Variants in SAMD3 observed in about 807,000 individuals in gnomAD.
SAMD3 encodes the protein sterile alpha motif domain containing 3.
A neutral mutation model predicts 58.5 loss-of-function variants in SAMD3; 63 were observed. The observed-to-expected ratio is 1.08, with a 90% confidence interval of 0.88 to 1.33. The LOEUF is 1.33. Ranked by LOEUF, SAMD3 falls within the 40% of genes most tolerant of loss-of-function variation. The pLI is 0.00. For missense variants in SAMD3, 604 were observed against 608.4 expected, an observed-to-expected ratio of 0.99 and a Z score of 0.08; for synonymous variants, 220 against 210.3, an observed-to-expected ratio of 1.05 and a Z score of -0.40.
Position 130,174,233 on chromosome 6 carries a change from G to A in SAMD3, c.822+1608C>T, listed in dbSNP as rs547890270. 3.9e-5 allele frequency among the ~76,000 whole-genome samples: 6 copies of A among 152,278 alleles called. No individual in the cohort carries two copies. In the South Asian group the frequency reaches 1.2e-3, roughly 32 times the overall value. ...GGCGCCACTGGGGTATGAAAAAATA[G>A]TCCTGCAGCTAGCTCAGTGTCTGCC... On this transcript the variant is annotated intron_variant, in intron 8 of 11. Coordinates refer to ENST00000439090, the MANE Select transcript of SAMD3 (RefSeq NM_001017373.4).
chr6:130,322,161 C>A (rs1054255909), intron 1 of SAMD3, among the ~76,000 whole-genome samples: 1 of 152,042 alleles, frequency 6.6e-6, no homozygotes, highest in Non-Finnish European at 1.5e-5. Flanking sequence ...TCCAAAGGGG[C>A]CAGGCAAGGG....
intron 5 of SAMD3, among the ~76,000 whole-genome samples, chr6:130,197,288 C>T (rs576144837): frequency 2.0e-5 from 3 of 152,224 alleles, no homozygotes; most frequent in Non-Finnish European, 2.9e-5. Context: ...TAGTCATACT[C>T]TTATTCACCG....
intron 2 of SAMD3, among the ~76,000 whole-genome samples, chr6:130,252,794 C>T (rs756108396): frequency 6.6e-6 from 1 of 152,182 alleles, no homozygotes; most frequent in East Asian, 1.9e-4. Flanking sequence ...CAGGAGCAAG[C>T]TTCAGAGATG....
At chr6:130,270,777 T>C (rs1467862881) in intron 2 of SAMD3, among the ~76,000 whole-genome samples, 1 of 152,216 alleles carries the variant, frequency 6.6e-6, no homozygotes, top group Non-Finnish European at 1.5e-5. Flanking sequence ...AGCCAGTCTT[T>C]TACTCATGGA....
At chr6:130,214,106 A>G (rs1428959850) in intron 4 of SAMD3, among the ~76,000 whole-genome samples, 3 of 152,212 alleles carry the variant, frequency 2.0e-5, no homozygotes, top group Non-Finnish European at 4.4e-5. Context: ...ACTCCTTGCT[A>G]ATAGGACATC....
chr6:130,272,103 A>T (rs1004923639), intron 2 of SAMD3, among the ~76,000 whole-genome samples: 3 of 152,224 alleles, frequency 2.0e-5, no homozygotes, highest in Non-Finnish European at 2.9e-5. Context: ...CAAGATTATA[A>T]ATAATACTCT....
chr6:130,256,670 T>C (rs1019735035), intron 2 of SAMD3, among the ~76,000 whole-genome samples: 1 of 152,184 alleles, frequency 6.6e-6, no homozygotes, highest in African/African-American at 2.4e-5. Context: ...CCAATGCTCA[T>C]GGAAACAGAT....
intron 1 of SAMD3, among the ~76,000 whole-genome samples, chr6:130,323,816 A>AAAAAAG (rs1248340806): frequency 1.3e-5 from 2 of 151,514 alleles, no homozygotes; most frequent in African/African-American, 4.8e-5. Context: ...AAAAAAAAAA[A>AAAAAAG]AAAAAAAAAG....
At chr6:130,304,613 C>G (rs935037237) in intron 2 of SAMD3, among the ~76,000 whole-genome samples, 2 of 152,146 alleles carry the variant, frequency 1.3e-5, no homozygotes, top group Admixed American at 6.5e-5. Context: ...AATCTCTCCA[C>G]TTACTCTTTT....
intron 4 of SAMD3, among the ~76,000 whole-genome samples, chr6:130,210,375 G>A (rs1795434477): frequency 6.6e-6 from 1 of 152,056 alleles, no homozygotes; most frequent in Non-Finnish European, 1.5e-5. Flanking sequence ...GAGGCAGGTG[G>A]ATCACCTGAG....
At chr6:130,229,276 C>T (rs10485399) in intron 2 of SAMD3, among the ~76,000 whole-genome samples, 12,603 of 152,158 alleles carry the variant, frequency 0.083, 759 homozygotes, top group East Asian at 0.29. Flanking sequence ...ACTACATGTC[C>T]GATGACCAAA....
At chr6:130,183,066 G>A (rs566650498) in intron 7 of SAMD3, 101 of 299,764 alleles carry the variant, frequency 3.4e-4, no homozygotes, top group Non-Finnish European at 5.2e-4. Context: ...GTGCAATGAA[G>A]ACAGTGGTCT....
intron 5 of SAMD3, among the ~76,000 whole-genome samples, chr6:130,194,856 A>G (rs1399548122): frequency 1.3e-5 from 2 of 152,146 alleles, no homozygotes; most frequent in Non-Finnish European, 2.9e-5. Context: ...CAGGACCATC[A>G]CAGATGCTCT....
chr6:130,309,402 G>A (rs1254907005), intron 2 of SAMD3, among the ~76,000 whole-genome samples: 6 of 152,134 alleles, frequency 3.9e-5, no homozygotes, highest in Non-Finnish European at 8.8e-5. Context: ...CAGATCAGAT[G>A]GTATTATATT....
intron 2 of SAMD3, among the ~76,000 whole-genome samples, chr6:130,295,036 G>A (rs545577808): frequency 2.5e-4 from 36 of 143,574 alleles, no homozygotes; most frequent in Admixed American, 4.4e-4. Flanking sequence ...CAATTCTCCC[G>A]CCTCAGCCTC....
At chr6:130,302,917 T>A (rs1038181119) in intron 2 of SAMD3, among the ~76,000 whole-genome samples, 8 of 152,102 alleles carry the variant, frequency 5.3e-5, no homozygotes, top group African/African-American at 1.9e-4. Flanking sequence ...ACCAGAGGCT[T>A]TAAAATTTGA....
At chr6:130,358,820 A>G (rs1398816) in intron 1 of SAMD3, among the ~76,000 whole-genome samples, 71,072 of 151,874 alleles carry the variant, frequency 0.47, 19,867 homozygotes, top group African/African-American at 0.79. Context: ...CTCACTAACA[A>G]TGTCTCCTTA....
chr6:130,207,159 C>CAAAAAAAAAAAA, intron 5 of SAMD3, among the ~76,000 whole-genome samples: 1 of 52,704 alleles, frequency 1.9e-5, no homozygotes. Context: ...CCCATCTCAT[C>CAAAAAAAAAAAA]AAAAAAAAAA....
chr6:130,155,462 C>T (rs1166240548), intron 8 of SAMD3, among the ~76,000 whole-genome samples: 4 of 152,018 alleles, frequency 2.6e-5, no homozygotes, highest in Non-Finnish European at 5.9e-5. Flanking sequence ...CCATATAATC[C>T]AAATTCAAAA....
Sources: gnomAD v4.1 joint callset for allele counts (sites outside exome capture counted in the v4.1 genomes callset) on GRCh38, gnomAD v4.1.1 for gene constraint, MANE v1.5 for transcripts, NCBI Gene and HGNC (gene_info 2026-07-23, HGNC 2026-07-21) for gene names.